The following PARP1 variants were observed in gnomAD, a reference collection of about 807,000 sequenced individuals.
PARP1 encodes the protein poly [ADP-ribose] polymerase 1.
In PARP1, 44 loss-of-function variants were observed where a neutral mutation model predicts 118.7. The ratio of observed to expected loss-of-function variants is 0.37; its 90% confidence interval spans 0.29 to 0.48. The LOEUF (loss-of-function observed/expected upper bound fraction) is 0.48. Among genes scored for constraint, PARP1 ranks in the 20% least tolerant of loss-of-function variants. The probability of loss-of-function intolerance (pLI) is 0.99; values close to 1 mark genes in which losing one functional copy is unlikely to be tolerated. For synonymous variants in PARP1, 492 were observed against 483.2 expected (o/e 1.02, Z -0.24); for missense variants, 1,100 against 1,272.4 (o/e 0.86, Z 2.06).
rs201124419 is a variant in PARP1 at position 226,379,210 on chromosome 1, C to T, written c.1677G>A (p.Leu559=). The T allele has an allele frequency of 6.2e-7, 1 of 1,614,218 alleles. No individual in the cohort carries two copies. The highest frequency in any genetic ancestry group is 8.5e-7 in the Non-Finnish European group (1 of 1,180,024). ...GGKVFSATLG[L]VDIVKGTNSY... ...AGTTGGTTCCTTTAACGATGTCCAC[C>T]AGGCCAAGGGTGGCACTGAAGACCT... The change falls in exon 12 of 23, where the codon CTG becomes CTA. Residue 559 remains leucine, a synonymous_variant. Transcript: ENST00000366794.
At chr1:226,383,227 A>G (rs1445881596) in intron 7 of PARP1, 44 bp from the exon 8 acceptor site, 1 of 1,529,486 alleles carries the variant, frequency 6.5e-7, no homozygotes, top group East Asian at 2.2e-5. Flanking sequence ...CTCTCCCTTG[A>G]GGTAACCACC....
At chr1:226,401,904 G>A in intron 2 of PARP1, 1 of 1,244,122 alleles carries the variant, frequency 8.0e-7, no homozygotes, top group Non-Finnish European at 1.1e-6. Flanking sequence ...TGTGGTGGGA[G>A]GGGGAGGGGG....
intron 2 of PARP1, among the ~76,000 whole-genome samples, chr1:226,395,642 C>CA (rs965022637): frequency 2.8e-4 from 42 of 151,028 alleles, no homozygotes; most frequent in Admixed American, 9.9e-4. Context: ...GACTCTGTCT[C>CA]AAAAAAAACA....
chr1:226,389,320 T>C (rs1042550941), intron 4 of PARP1, among the ~76,000 whole-genome samples: 1 of 152,192 alleles, frequency 6.6e-6, no homozygotes, highest in Non-Finnish European at 1.5e-5. Context: ...CTGCCCCAGC[T>C]GGCTCAGCAA....
chr1:226,387,735 T>C (rs1664743635), intron 5 of PARP1, among the ~76,000 whole-genome samples: 1 of 152,138 alleles, frequency 6.6e-6, no homozygotes, highest in Admixed American at 6.5e-5. Context: ...GTGGGAACGC[T>C]GAGGGGCATT....
At position 226,381,774 on chromosome 1, in the gene PARP1, T is replaced by C. The variant is rs142007772; in HGVS notation, c.1160-566A>G. The stretch of plus-strand genomic sequence containing the variant: ...GGCCAGAAAGGCCTGGACAGGGGTG[T>C]GCCTTCTGTTCACAGCAAACAACAC... On this transcript the variant is annotated intron_variant, in intron 8 of 22. Coordinates refer to ENST00000366794, the MANE Select transcript of PARP1 (RefSeq NM_001618.4). Among the ~76,000 whole-genome samples the C allele has an allele frequency of 6.2e-3, 943 of 152,298 alleles. 7 individuals carry two copies. The highest frequency in any genetic ancestry group is 0.022 in the African/African-American group (912 of 41,564).
At chr1:226,394,379 A>T (rs1260135188) in intron 2 of PARP1, among the ~76,000 whole-genome samples, 2 of 152,162 alleles carry the variant, frequency 1.3e-5, no homozygotes, top group Non-Finnish European at 2.9e-5. Flanking sequence ...AACACTTAGG[A>T]ATGGTATGTT....
At position 226,370,468 on chromosome 1, in the gene PARP1, T is replaced by C. The variant is rs765015644; in HGVS notation, c.2120A>G (p.Gln707Arg). 1.2e-6 allele frequency: 2 copies of C among 1,613,982 alleles called. No individual in the cohort carries two copies. The highest frequency in any genetic ancestry group is 2.7e-5 in the African/African-American group (2 of 74,914). ...CTCACTGAGGATGGAGTATGCGGCCTGGATCTGCCTTTTGCTCAGCTTCCC... is the reference window on the plus strand; with the variant it reads ...CTCACTGAGGATGGAGTATGCGGCCCGGATCTGCCTTTTGCTCAGCTTCCC... ...PLGKLSKRQIQAAYSILSEVQ... is the reference protein window; with the variant it reads ...PLGKLSKRQIRAAYSILSEVQ... Residue 707 changes from glutamine (Q) to arginine (R), a missense_variant, in exon 15 of 23, where the codon CAG becomes CGG. By Grantham distance (43) the Gln-to-Arg change is conservative. Transcript: ENST00000366794.
intron 3 of PARP1, 100 bp from the exon 4 acceptor site, chr1:226,390,724 C>A: frequency 9.1e-7 from 1 of 1,098,142 alleles, no homozygotes; most frequent in Non-Finnish European, 1.4e-6. Context: ...GCTGAGGGTC[C>A]AAGCCAAGGC....
At chr1:226,382,364 C>T (rs1377155352) in intron 8 of PARP1, among the ~76,000 whole-genome samples, 1 of 152,162 alleles carries the variant, frequency 6.6e-6, no homozygotes, top group East Asian at 1.9e-4. Flanking sequence ...GCCCGGATGA[C>T]TGGTGGGCGC....
At chr1:226,384,797 ATAGT>A (rs912761413) in intron 7 of PARP1, among the ~76,000 whole-genome samples, 1 of 147,348 alleles carries the variant, frequency 6.8e-6, no homozygotes, top group African/African-American at 2.5e-5. Context: ...AGTAATGTCG[ATAGT>A]TACTCAGGTA....
intron 14 of PARP1, among the ~76,000 whole-genome samples, chr1:226,373,529 G>A (rs924658934): frequency 3.3e-5 from 5 of 152,154 alleles, no homozygotes; most frequent in Admixed American, 6.5e-5. Context: ...TCTCCCGGGC[G>A]GAGAGCGGAG....
intron 12 of PARP1, 110 bp from the exon 13 acceptor site, chr1:226,377,413 C>T: frequency 2.5e-6 from 2 of 796,168 alleles, no homozygotes; most frequent in South Asian, 2.8e-5. Context: ...TTACACACCC[C>T]AAAAGGATGG....
chr1:226,393,508 T>G (rs1664857658), intron 2 of PARP1, among the ~76,000 whole-genome samples: 1 of 152,088 alleles, frequency 6.6e-6, no homozygotes, highest in Admixed American at 6.6e-5. Context: ...AATGGATATA[T>G]CCAAACAAAG....
intron 17 of PARP1, chr1:226,366,374 G>A (rs1664264674): frequency 2.8e-6 from 1 of 355,884 alleles, no homozygotes; most frequent in South Asian, 2.4e-5. Context: ...TCCAGAACAA[G>A]CAATTGGCTC....
chr1:226,366,302 T>G (rs1265292695), intron 17 of PARP1: 4 of 468,138 alleles, frequency 8.5e-6, no homozygotes, highest in African/African-American at 7.9e-5. Context: ...GTCTTAAAAT[T>G]CTATGTTTTG....
intron 12 of PARP1, among the ~76,000 whole-genome samples, chr1:226,378,689 A>G (rs958487072): frequency 6.6e-6 from 1 of 152,076 alleles, no homozygotes; most frequent in African/African-American, 2.4e-5. Flanking sequence ...TCCATAAAAA[A>G]TAAGGCATGG....
At chr1:226,388,118 A>G (rs1664750197) in intron 5 of PARP1, among the ~76,000 whole-genome samples, 1 of 152,226 alleles carries the variant, frequency 6.6e-6, no homozygotes, top group Non-Finnish European at 1.5e-5. Context: ...CATAATCAAC[A>G]CAGGGATGAA....
At chr1:226,407,737 C>G in intron 1 of PARP1, 73 bp downstream of exon 1, 1 of 1,502,480 alleles carries the variant, frequency 6.7e-7, no homozygotes, top group Non-Finnish European at 8.9e-7. Flanking sequence ...GGCCCGCCCT[C>G]CCCCAGCCTT....
Sources: allele counts gnomAD v4.1 joint callset (sites outside exome capture counted in the v4.1 genomes callset), GRCh38; gene constraint gnomAD v4.1.1; transcripts MANE v1.5; gene names NCBI Gene and HGNC (gene_info 2026-07-23, HGNC 2026-07-21).